MOBP: variants seen among roughly 807,000 people sequenced by gnomAD.
MOBP encodes the protein myelin associated oligodendrocyte basic protein.
In MOBP, 5 loss-of-function variants were observed where a neutral mutation model predicts 15.0. The ratio of observed to expected loss-of-function variants is 0.33; its 90% CI spans 0.17 to 0.70. The LOEUF is 0.70. MOBP is among the 30% of genes least tolerant of loss of function. The pLI is 0.67. For synonymous variants in MOBP, 88 were observed against 99.0 expected, an observed-to-expected ratio of 0.89 and a Z score of 0.66; for missense variants, 188 against 257.8, an observed-to-expected ratio of 0.73 and a Z score of 1.85.
At chr3:39,525,266 T>C (rs1188893982), downstream of MOBP, 1 of 152,216 alleles carries the variant, frequency 6.6e-6, no homozygotes, top group Non-Finnish European at 1.5e-5. Context: ...CAAGGTTATA[T>C]GTCTTAGAAA....
chr3:39,494,455 G>T (rs2042843952), intron 2 of MOBP, among the ~76,000 whole-genome samples: 1 of 151,438 alleles, frequency 6.6e-6, no homozygotes, highest in Admixed American at 6.6e-5. Flanking sequence ...ATTATATTTT[G>T]CAGTTTCAAA....
intron 2 of MOBP, 113 bp from the exon 3 acceptor site, chr3:39,501,953 C>T (rs2042975882): frequency 1.2e-6 from 1 of 849,474 alleles, no homozygotes; most frequent in Non-Finnish European, 1.9e-6. Flanking sequence ...TGTAGGGCCC[C>T]CCTGAATGTT....
downstream of MOBP, among the ~76,000 whole-genome samples, chr3:39,504,126 G>C (rs1390372649): frequency 6.6e-6 from 1 of 152,184 alleles, no homozygotes; most frequent in Non-Finnish European, 1.5e-5. Context: ...CATTAAAAAG[G>C]CACAAGATTA....
At chr3:39,526,810 C>A, downstream of MOBP, 1 of 112,580 alleles carries the variant, frequency 8.9e-6, no homozygotes, top group African/African-American at 3.4e-5. Context: ...GAGTTTCACT[C>A]TTGTTACCCA....
chr3:39,470,863 A>G (rs2042459370), intron 1 of MOBP, among the ~76,000 whole-genome samples: 1 of 152,234 alleles, frequency 6.6e-6, no homozygotes, highest in African/African-American at 2.4e-5. Context: ...GTTATTCACT[A>G]GTTCCTTATG....
rs1177238620 is a variant in MOBP, at chr3:39,467,722, C to T, written c.-107C>T. The T allele has an allele frequency of 6.6e-6, 1 of 152,328 alleles. No individual in the cohort carries two copies. The highest frequency in any genetic ancestry group is 1.9e-4 in the East Asian group (1 of 5,186). 9.4% of individuals were successfully genotyped at this position (152,328 alleles called of 1,614,324 possible). A position where few individuals can be genotyped will look rare whatever the true frequency, so the allele number is the denominator to read the frequency against. ...GTATAGACGCAGAATCTGTTTCACA[C>T]AACAACTGCTATTTGAAGGTAAGAG... On this transcript the variant is annotated 5_prime_UTR_variant, in exon 1 of 4. Transcript: ENST00000684792.
chr3:39,496,642 C>A (rs2042887814), intron 2 of MOBP, among the ~76,000 whole-genome samples: 1 of 150,984 alleles, frequency 6.6e-6, no homozygotes, highest in South Asian at 2.1e-4. Context: ...TACAGGCTCC[C>A]ACCACCACGC....
intron 2 of MOBP, among the ~76,000 whole-genome samples, chr3:39,493,517 A>T (rs796440253): frequency 3.9e-5 from 6 of 152,272 alleles, no homozygotes; most frequent in African/African-American, 9.6e-5. Flanking sequence ...GCATCTGGGG[A>T]CAGGACATAA....
chr3:39,484,906 A>G (rs1405876665), intron 2 of MOBP, among the ~76,000 whole-genome samples: 1 of 152,218 alleles, frequency 6.6e-6, no homozygotes, highest in Non-Finnish European at 1.5e-5. Flanking sequence ...GGACCACATT[A>G]GTTTGTCCTT....
intron 2 of MOBP, among the ~76,000 whole-genome samples, chr3:39,484,713 C>T (rs2042676385): frequency 6.6e-6 from 1 of 152,178 alleles, no homozygotes; most frequent in African/African-American, 2.4e-5. Context: ...GGCCCCACTA[C>T]AATAAGTGAA....
chr3:39,496,445 C>T (rs1224482124), intron 2 of MOBP, among the ~76,000 whole-genome samples: 1 of 151,742 alleles, frequency 6.6e-6, no homozygotes, highest in Non-Finnish European at 1.5e-5. Flanking sequence ...ATGATCCGCC[C>T]ACCTTGGCCT....
intron 3 of MOBP, among the ~76,000 whole-genome samples, chr3:39,522,074 G>A (rs2043275742): frequency 6.6e-6 from 1 of 152,190 alleles, no homozygotes; most frequent in Non-Finnish European, 1.5e-5. Context: ...TCCATCACTG[G>A]GAGAGGTGGT....
At chr3:39,522,005 T>A (rs2043274527) in intron 3 of MOBP, among the ~76,000 whole-genome samples, 1 of 152,182 alleles carries the variant, frequency 6.6e-6, no homozygotes. Flanking sequence ...AGGTATGGAA[T>A]CAGGCTAGCT....
intron 2 of MOBP, among the ~76,000 whole-genome samples, chr3:39,482,855 T>C (rs1479754185): frequency 6.6e-6 from 1 of 152,080 alleles, no homozygotes; most frequent in Non-Finnish European, 1.5e-5. Context: ...GGCCTTGTCC[T>C]AAGTCCTCAA....
In MOBP at chr3:39,502,856, C is replaced by T. The variant is rs954102337; in HGVS notation, c.528C>T (p.Pro176=). The change falls in exon 4 of 4, where the codon CCC becomes CCT. Residue 176 remains proline (P), a synonymous_variant. Transcript: ENST00000684792. This position sits in a 1 kb window ranked among gnomAD's most constrained non-coding sequence, Gnocchi z 6.3. ...CAGGCGCCAGCCGTGGGGGGTCCCC[C>T]GTCAAAGCTTCTAGGTTCTGGTAAC... ...RGPGASRGGS[P]VKASRFW 5 of 1,417,530 alleles carry T rather than the reference C, an allele frequency of 3.5e-6. No individual in the cohort carries two copies. In the South Asian group the frequency reaches 3.9e-5, roughly 11 times the overall value. The allele number at this position is 1,417,530 out of a possible 1,614,324, so 87.8% of individuals were successfully genotyped here.
chr3:39,469,015 CATAT>C (rs2042407145), intron 1 of MOBP, among the ~76,000 whole-genome samples: 2 of 56,972 alleles, frequency 3.5e-5, no homozygotes, highest in African/African-American at 3.0e-4. Context: ...TACATATATA[CATAT>C]GTGTGTATAT....
chr3:39,511,003 C>T (rs2043112644), intron 4 of MOBP, among the ~76,000 whole-genome samples: 1 of 152,170 alleles, frequency 6.6e-6, no homozygotes, highest in Non-Finnish European at 1.5e-5. Context: ...GCTCAACTTT[C>T]CTCATGGCCT....
intron 2 of MOBP, among the ~76,000 whole-genome samples, chr3:39,496,825 A>C (rs1251868937): frequency 6.6e-6 from 1 of 152,078 alleles, no homozygotes; most frequent in Non-Finnish European, 1.5e-5. Context: ...CACCATGCCC[A>C]ACTAATTTTG....
In MOBP at chr3:39,511,240, G is replaced by C. The variant is rs377329679; in HGVS notation, c.*-2143G>C. Among the ~76,000 whole-genome samples the C allele has an allele frequency of 4.5e-4, 68 of 152,304 alleles. 1 individual carries two copies. The South Asian group carries it at 0.014, about 31-fold the overall frequency. The stretch of plus-strand genomic sequence containing the variant: ...ACATTTGGGGACAATCTCAGTCTTG[G>C]AGGGAGTTAACATCTTGAAGAACAG... On this transcript the variant is annotated intron_variant, in intron 4 of 4. Transcript: ENST00000311042.
Sources: gnomAD v4.1 joint callset for allele counts (sites outside exome capture counted in the v4.1 genomes callset) on GRCh38, gnomAD v4.1.1 for gene constraint, Gnocchi (gnomAD v3.1) non-coding constraint, MANE v1.5 for transcripts, NCBI Gene and HGNC (gene_info 2026-07-23, HGNC 2026-07-21) for gene names.